The following SCAF8 variants were observed in gnomAD, a reference collection of about 807,000 sequenced individuals.
SCAF8 encodes SR-related and CTD-associated factor 8.
SCAF8 carries 23 observed loss-of-function variants against 140.5 expected under a neutral mutation model. That is an observed-to-expected ratio of 0.16 (90% CI 0.12 to 0.23). The LOEUF is 0.23. Ranked by LOEUF, SCAF8 falls within the 10% of genes least tolerant of loss-of-function variation. The pLI, the probability that SCAF8 is intolerant of heterozygous loss-of-function variation, is 1.00. For synonymous variants in SCAF8, 575 were observed against 528.9 expected, an observed-to-expected ratio of 1.09 and a Z score of -1.20; for missense variants, 1,397 against 1,555.7, an observed-to-expected ratio of 0.90 and a Z score of 1.72.
intron 8 of SCAF8, 39 bp from the exon 9 acceptor site, chr6:154,805,330 T>C: frequency 8.4e-7 from 1 of 1,189,988 alleles, no homozygotes; most frequent in Non-Finnish European, 1.2e-6. Context: ...GTATCTTTAG[T>C]GGGTTTTAAA....
At chr6:154,778,230 A>G (rs1322361691) in intron 3 of SCAF8, among the ~76,000 whole-genome samples, 185 bp downstream of exon 3, 1 of 152,196 alleles carries the variant, frequency 6.6e-6, no homozygotes, top group African/African-American at 2.4e-5. Context: ...TTAGGTTTGT[A>G]TTCTGCCTAT....
intron 6 of SCAF8, among the ~76,000 whole-genome samples, chr6:154,797,101 A>G (rs1218195542): frequency 1.3e-5 from 2 of 152,054 alleles, no homozygotes; most frequent in African/African-American, 4.8e-5. Context: ...CCTTTCCTGA[A>G]TAAATTTTAT....
chr6:154,783,269 A>G (rs1264015024), intron 3 of SCAF8, among the ~76,000 whole-genome samples: 1 of 152,206 alleles, frequency 6.6e-6, no homozygotes, highest in East Asian at 1.9e-4. Context: ...AAATGTGTCT[A>G]CTAGATTCAG....
At chr6:154,781,460 A>G (rs1399571289) in intron 3 of SCAF8, among the ~76,000 whole-genome samples, 3 of 152,220 alleles carry the variant, frequency 2.0e-5, no homozygotes, top group South Asian at 4.1e-4. Context: ...ACTACCACTG[A>G]CATTTTTCAC....
chr6:154,783,088 C>T (rs1777131508), intron 3 of SCAF8, among the ~76,000 whole-genome samples: 1 of 152,116 alleles, frequency 6.6e-6, no homozygotes, highest in Admixed American at 6.6e-5. Context: ...TATTTTGAGC[C>T]AGAGACCTCA....
rs1313197995 is a variant in SCAF8, at chr6:154,834,124, A to T, written c.*729A>T. ...CTTAAAACCTTGAATTATTATTAGCATGTGCTTATTTTTTGCAAAAGCTTT... is the reference window on the plus strand; with the variant it reads ...CTTAAAACCTTGAATTATTATTAGCTTGTGCTTATTTTTTGCAAAAGCTTT... On this transcript the variant is annotated 3_prime_UTR_variant, in exon 20 of 20. Coordinates refer to ENST00000367178, the MANE Select transcript of SCAF8 (RefSeq NM_014892.5). 6.6e-6 allele frequency: 1 copy of T among 152,170 alleles called. No individual in the cohort carries two copies. The highest frequency in any genetic ancestry group is 1.5e-5 in the Non-Finnish European group (1 of 68,012). 9.4% of individuals were successfully genotyped at this position (152,170 alleles called of 1,614,324 possible).
intron 1 of SCAF8, among the ~76,000 whole-genome samples, chr6:154,764,221 A>G (rs1352497347): frequency 6.6e-6 from 1 of 152,192 alleles, no homozygotes; most frequent in Non-Finnish European, 1.5e-5. Flanking sequence ...GTTGAAACAT[A>G]AAGAATGAAT....
chr6:154,808,339 CA>C (rs1777984396), intron 10 of SCAF8, 138 bp downstream of exon 10: 7 of 873,882 alleles, frequency 8.0e-6, no homozygotes, highest in Middle Eastern at 3.5e-4. Flanking sequence ...CCTATTAGGC[CA>C]AGCTTGTCCA....
chr6:154,806,529 C>T (rs1295454825), intron 9 of SCAF8, among the ~76,000 whole-genome samples: 3 of 152,102 alleles, frequency 2.0e-5, no homozygotes, highest in African/African-American at 4.8e-5. Context: ...TAATGGAGCA[C>T]GTACATCTGT....
intron 4 of SCAF8, among the ~76,000 whole-genome samples, chr6:154,791,522 C>T (rs963830078): frequency 1.3e-5 from 2 of 152,126 alleles, no homozygotes; most frequent in East Asian, 1.9e-4. Context: ...AATGGCTAGA[C>T]ATTTAAAATA....
intron 1 of SCAF8, among the ~76,000 whole-genome samples, chr6:154,765,893 T>G (rs928399092): frequency 6.6e-6 from 1 of 152,144 alleles, no homozygotes; most frequent in African/African-American, 2.4e-5. Context: ...AGCTGACCCA[T>G]GAACAATGGG....
In SCAF8 at chr6:154,787,044, A is replaced by G. The variant is rs184119196; in HGVS notation, c.160-817A>G. On this transcript the variant is annotated intron_variant, in intron 3 of 19. Transcript: ENST00000367178. Reference sequence around the variant, plus strand: ...TTGTGCTTCCCTAACTACATAGGCTAAAAAAGCTTGTGTTGAGAAAGTAGG... The same window carrying G: ...TTGTGCTTCCCTAACTACATAGGCTGAAAAAGCTTGTGTTGAGAAAGTAGG... Among the ~76,000 whole-genome samples, 997 of 152,326 alleles carry G rather than the reference A, an allele frequency of 6.5e-3. 10 individuals carry two copies. Among genetic ancestry groups the G allele is most frequent in the Non-Finnish European group, 9.6e-3 (655 of 68,018 alleles).
chr6:154,820,187 C>G lies in SCAF8; in HGVS notation c.1646C>G (p.Ala549Gly), dbSNP rs1245992028. ...IGSKVIKIAW[A>G]LNKGVKTEYK... The stretch of plus-strand genomic sequence containing the variant: ...TCCCATTTACAATAGATCGCTTGGG[C>G]TTTAAACAAAGGTGTAAAAACAGAA... Residue 549 changes from alanine to glycine, a missense_variant, in exon 15 of 20, where the codon GCT (alanine) becomes GGT (glycine). Ala to Gly is a moderately conservative substitution (Grantham distance 60). Around this residue, in one of 5 missense-constraint regions of SCAF8, gnomAD observed 59 missense variants for 110.7 expected, o/e 0.53. Transcript: ENST00000367178. The G allele has an allele frequency of 6.3e-7, 1 of 1,594,724 alleles. No homozygotes were observed. The highest frequency in any genetic ancestry group is 8.5e-7 in the Non-Finnish European group (1 of 1,174,346).
At chr6:154,736,443 T>C (rs1266779890) in intron 1 of SCAF8, among the ~76,000 whole-genome samples, 3 of 151,902 alleles carry the variant, frequency 2.0e-5, no homozygotes, top group South Asian at 2.1e-4. Context: ...GCTAGTTTTT[T>C]GTATTTTTAG....
intron 10 of SCAF8, 32 bp from the exon 11 acceptor site, chr6:154,808,651 CTTT>C: frequency 2.7e-6 from 1 of 372,330 alleles, no homozygotes; most frequent in African/African-American, 2.9e-4. Context: ...CTCAACCAGC[CTTT>C]CTGTTTGTTT....
At chr6:154,753,955 G>A (rs970662428) in intron 1 of SCAF8, among the ~76,000 whole-genome samples, 5 of 152,188 alleles carry the variant, frequency 3.3e-5, no homozygotes, top group East Asian at 3.9e-4. Context: ...CTCCCTCCTC[G>A]GCCTCCCAAA....
chr6:154,745,500 A>G (rs1341238441), intron 1 of SCAF8, among the ~76,000 whole-genome samples: 1 of 152,102 alleles, frequency 6.6e-6, no homozygotes, highest in African/African-American at 2.4e-5. Flanking sequence ...CAGCCTTCTG[A>G]GTAGCTGGGA....
At chr6:154,787,697 T>G (rs1777293668) in intron 3 of SCAF8, among the ~76,000 whole-genome samples, 164 bp from the exon 4 acceptor site, 2 of 152,248 alleles carry the variant, frequency 1.3e-5, no homozygotes, top group Admixed American at 1.3e-4. Context: ...TTCTTTAAAA[T>G]GCCATTCCAG....
At chr6:154,791,967 AAAAGTCTGCTTGCCAGTGGC>A in intron 4 of SCAF8, among the ~76,000 whole-genome samples, 1 of 152,216 alleles carries the variant, frequency 6.6e-6, no homozygotes, top group Middle Eastern at 3.4e-3. Flanking sequence ...CACAGATGTC[AAAAGTCTGCTTGCCAGTGGC>A]AAGCAGGTTT....
Sources: gnomAD v4.1 joint callset for allele counts (sites outside exome capture counted in the v4.1 genomes callset) on GRCh38, gnomAD v4.1.1 for gene constraint, gnomAD v4.1.1 regional missense constraint, MANE v1.5 for transcripts, NCBI Gene and HGNC (gene_info 2026-07-23, HGNC 2026-07-21) for gene names.